STARD13: variants seen among roughly 807,000 people sequenced by gnomAD.
The protein encoded by STARD13 is stAR-related lipid transfer protein 13.
A neutral mutation model predicts 106.4 loss-of-function variants in STARD13; 62 were observed. The ratio of observed to expected loss-of-function variants is 0.58; its 90% CI spans 0.48 to 0.72. The LOEUF (loss-of-function observed/expected upper bound fraction) is 0.72. STARD13 is among the 30% of genes least tolerant of loss of function. STARD13 has a pLI of 0.00. For synonymous variants in STARD13, 565 were observed against 553.0 expected (o/e 1.02, Z -0.31); for missense variants, 1,387 against 1,424.0 (o/e 0.97, Z 0.42).
chr13:33,125,231 C>T (rs1461620331), intron 7 of STARD13, among the ~76,000 whole-genome samples: 1 of 152,182 alleles, frequency 6.6e-6, no homozygotes, highest in East Asian at 1.9e-4. Flanking sequence ...TAGGTTGGTA[C>T]AGATTCTCTG....
chr13:33,227,315 C>T (rs764375058), intron 1 of STARD13, among the ~76,000 whole-genome samples: 3 of 152,228 alleles, frequency 2.0e-5, no homozygotes, highest in South Asian at 2.1e-4. Context: ...AGCTAAAATA[C>T]GATCCCAGGT....
the STARD13 span, among the ~76,000 whole-genome samples, chr13:33,672,525 A>G: frequency 6.6e-6 from 1 of 152,220 alleles, no homozygotes; most frequent in African/African-American, 2.4e-5. Context: ...AGAACTTAAA[A>G]TAAAATAAAT....
At chr13:33,367,844 A>T in the STARD13 span, among the ~76,000 whole-genome samples, 1 of 152,038 alleles carries the variant, frequency 6.6e-6, no homozygotes, top group Non-Finnish European at 1.5e-5. Flanking sequence ...AAGGATTTCA[A>T]ATTGAACTAC....
the STARD13 span, among the ~76,000 whole-genome samples, chr13:33,481,737 T>C: frequency 1.4e-4 from 21 of 152,164 alleles, no homozygotes; most frequent in African/African-American, 5.1e-4. Context: ...ATTTGAACTC[T>C]GATTTAAACA....
At chr13:33,270,352 G>A (rs929427862) in intron 1 of STARD13, among the ~76,000 whole-genome samples, 18 of 152,282 alleles carry the variant, frequency 1.2e-4, no homozygotes, top group African/African-American at 4.3e-4. Context: ...ATATTTTGGT[G>A]CAACTGAGGA....
the STARD13 span, among the ~76,000 whole-genome samples, chr13:33,443,967 C>T: frequency 6.6e-6 from 1 of 151,324 alleles, no homozygotes; most frequent in Admixed American, 6.6e-5. Flanking sequence ...TAGAAAACTG[C>T]TCCTATTGGG....
chr13:33,312,710 G>A (rs1893188812), intron 1 of STARD13, among the ~76,000 whole-genome samples: 1 of 152,110 alleles, frequency 6.6e-6, no homozygotes, highest in Non-Finnish European at 1.5e-5. Flanking sequence ...TAGACATGTG[G>A]CAACATGGCT....
rs557335886 is a variant in STARD13 at position 33,112,571 on chromosome 13, C to A, written c.2492+150G>T. The A allele has an allele frequency of 1.1e-4, 71 of 646,804 alleles. 1 individual carries two copies. Among genetic ancestry groups the A allele is most frequent in the African/African-American group, 8.3e-4 (46 of 55,580 alleles). 40.1% of individuals were successfully genotyped at this position (646,804 alleles called of 1,614,324 possible). ...ATCTATCAATCTATCATCTACCTAT[C>A]GTTGATCTATCTACCTACCTATCTA... On this transcript the variant is annotated intron_variant, in intron 9 of 13. Coordinates refer to ENST00000336934, the MANE Select transcript of STARD13 (RefSeq NM_178006.4).
intron 1 of STARD13, among the ~76,000 whole-genome samples, chr13:33,316,276 A>C (rs1893332370): frequency 6.6e-6 from 1 of 152,118 alleles, no homozygotes; most frequent in Non-Finnish European, 1.5e-5. Context: ...TACCAAAAAA[A>C]CTTCCATTCA....
the STARD13 span, among the ~76,000 whole-genome samples, chr13:33,479,889 C>T: frequency 1.3e-5 from 2 of 152,144 alleles, no homozygotes; most frequent in Admixed American, 1.3e-4. Context: ...GATTGTAAGT[C>T]TCCTGAAGTC....
intron 1 of STARD13, among the ~76,000 whole-genome samples, chr13:33,328,100 G>C (rs1324364299): frequency 4.6e-5 from 7 of 152,116 alleles, no homozygotes; most frequent in Non-Finnish European, 1.0e-4. Flanking sequence ...CTCTCCACAG[G>C]GTTCTTGAAT....
chr13:33,379,303 C>T, the STARD13 span, among the ~76,000 whole-genome samples: 8 of 152,190 alleles, frequency 5.3e-5, no homozygotes, highest in South Asian at 4.2e-4. Context: ...TAAAAATACA[C>T]CCTATAGTAT....
intron 1 of STARD13, among the ~76,000 whole-genome samples, chr13:33,312,369 T>G (rs142380746): frequency 1.8e-3 from 278 of 152,296 alleles, no homozygotes; most frequent in African/African-American, 6.5e-3. Context: ...AAGTTGAAAT[T>G]CCCTTGTCAG....
At chr13:33,301,603 T>C (rs1278204391) in intron 1 of STARD13, among the ~76,000 whole-genome samples, 1 of 138,670 alleles carries the variant, frequency 7.2e-6, no homozygotes, top group Non-Finnish European at 1.5e-5. Flanking sequence ...AGTCTCGCTC[T>C]GTTGACCAGG....
the STARD13 span, among the ~76,000 whole-genome samples, chr13:33,644,462 A>G: frequency 6.6e-6 from 1 of 152,290 alleles, no homozygotes; most frequent in South Asian, 2.1e-4. Flanking sequence ...GGTACTTTGC[A>G]CAGCGCACAC....
the STARD13 span, among the ~76,000 whole-genome samples, chr13:33,372,743 C>T: frequency 6.6e-6 from 1 of 151,508 alleles, no homozygotes; most frequent in Non-Finnish European, 1.5e-5. Context: ...GCAAAAAGGC[C>T]AGAGGGTGAG....
chr13:33,241,605 A>G (rs896515719), intron 1 of STARD13, among the ~76,000 whole-genome samples: 6 of 123,026 alleles, frequency 4.9e-5, no homozygotes, highest in Non-Finnish European at 9.5e-5. Context: ...AGGCTGGACC[A>G]TACTGCCGCC....
chr13:33,408,786 G>A, the STARD13 span, among the ~76,000 whole-genome samples: 1 of 151,972 alleles, frequency 6.6e-6, no homozygotes, highest in African/African-American at 2.4e-5. Context: ...CTCTCTGGCT[G>A]TTTTTGCTCT....
intron 1 of STARD13, among the ~76,000 whole-genome samples, chr13:33,271,974 G>T (rs1475021202): frequency 2.0e-5 from 3 of 152,180 alleles, no homozygotes; most frequent in Non-Finnish European, 4.4e-5. Flanking sequence ...CCCACTCGCT[G>T]TGTGACTTTG....
Sources: allele counts gnomAD v4.1 joint callset (sites outside exome capture counted in the v4.1 genomes callset), GRCh38; gene constraint gnomAD v4.1.1; transcripts MANE v1.5; gene names NCBI Gene and HGNC (gene_info 2026-07-23, HGNC 2026-07-21).